KCTD3: variants seen among roughly 807,000 people sequenced by gnomAD.
KCTD3 encodes potassium channel tetramerization domain containing 3.
In KCTD3, 41 loss-of-function variants were observed where a neutral mutation model predicts 85.8. That is an observed-to-expected ratio of 0.48 (90% CI 0.37 to 0.62). KCTD3 has a LOEUF of 0.62. KCTD3 is among the 20% of genes least tolerant of loss of function. The pLI, the probability that KCTD3 is intolerant of heterozygous loss-of-function variation, is 0.00. For missense variants in KCTD3, 724 were observed against 989.9 expected, an observed-to-expected ratio of 0.73 and a Z score of 3.60; for synonymous variants, 338 against 345.4, an observed-to-expected ratio of 0.98 and a Z score of 0.24.
Position 215,573,842 on chromosome 1 carries a change from A to G in KCTD3, c.137+3A>G. 3 of 1,511,074 alleles carry G rather than the reference A, an allele frequency of 2.0e-6. No individual in the cohort carries two copies. Among genetic ancestry groups the G allele is most frequent in the Non-Finnish European group, 1.8e-6 (2 of 1,094,022 alleles). The allele number at this position is 1,511,074 out of a possible 1,614,324, so 93.6% of individuals were successfully genotyped here. A position where few individuals can be genotyped will look rare whatever the true frequency, so the allele number is the denominator to read the frequency against. On this transcript the variant is annotated splice_donor_region_variant and intron_variant, in intron 2 of 17. Coordinates refer to ENST00000259154, the MANE Select transcript of KCTD3 (RefSeq NM_016121.5). ...ATTCCAGATTCTTTTTTTTCCAGGT[A>G]TGTCTTATAATTCTTTAGTGTATAT... is the stretch of plus-strand genomic sequence containing the variant.
At chr1:215,584,272 T>C (rs1454563199) in intron 8 of KCTD3, among the ~76,000 whole-genome samples, 1 of 152,178 alleles carries the variant, frequency 6.6e-6, no homozygotes, top group Non-Finnish European at 1.5e-5. Context: ...TTTGAAACAA[T>C]TTTCCTATTT....
At chr1:215,600,562 C>T (rs930672001) in intron 10 of KCTD3, among the ~76,000 whole-genome samples, 7 of 152,146 alleles carry the variant, frequency 4.6e-5, no homozygotes, top group Admixed American at 2.6e-4. Context: ...ATTTTTCTTT[C>T]TCACAAGTTA....
intron 12 of KCTD3, among the ~76,000 whole-genome samples, chr1:215,602,460 T>C (rs1654871461): frequency 6.6e-6 from 1 of 151,658 alleles, no homozygotes. Flanking sequence ...ATTATTATAA[T>C]GTTAGCTGAA....
At chr1:215,570,546 A>C (rs776579248) in intron 1 of KCTD3, among the ~76,000 whole-genome samples, 5 of 152,202 alleles carry the variant, frequency 3.3e-5, no homozygotes, top group Admixed American at 6.5e-5. Flanking sequence ...CCCAGGCTTT[A>C]TCTCTAACTA....
chr1:215,601,989 A>C (rs1352040351), intron 11 of KCTD3, 35 bp downstream of exon 11: 2 of 1,441,318 alleles, frequency 1.4e-6, no homozygotes, highest in Non-Finnish European at 9.7e-7. Context: ...CTCCTGCTTA[A>C]TGTAATTTTT....
intron 17 of KCTD3, 41 bp downstream of exon 17, chr1:215,619,332 T>C: frequency 6.5e-7 from 1 of 1,533,814 alleles, no homozygotes; most frequent in Non-Finnish European, 8.9e-7. Context: ...AATTTATTTC[T>C]TTTGGGGAAA....
rs113220069 is a variant in KCTD3, at chr1:215,601,834, A to G, written c.934-33A>G. Reference sequence around the variant, plus strand: ...CCAGAAAATAGAAATTATAATTACTATCTAACATCTGATAATACTCTCACT... The same window carrying G: ...CCAGAAAATAGAAATTATAATTACTGTCTAACATCTGATAATACTCTCACT... On this transcript the variant is annotated intron_variant, in intron 10 of 17. Transcript: ENST00000259154. 3.3e-5 allele frequency: 39 copies of G among 1,193,402 alleles called. 2 individuals are homozygous for G. Among genetic ancestry groups the G allele is most frequent in the Middle Eastern group, 2.0e-4 (1 of 4,940 alleles). The allele number at this position is 1,193,402 out of a possible 1,614,324, so 73.9% of individuals were successfully genotyped here. A position where few individuals can be genotyped will look rare whatever the true frequency, so the allele number is the denominator to read the frequency against.
chr1:215,568,081 C>G (rs1035187131), intron 1 of KCTD3, among the ~76,000 whole-genome samples: 5 of 152,174 alleles, frequency 3.3e-5, no homozygotes, highest in African/African-American at 1.2e-4. Flanking sequence ...CACAGCCTTC[C>G]TTACCTCATC....
chr1:215,594,126 C>G (rs1660322860), intron 9 of KCTD3, among the ~76,000 whole-genome samples: 1 of 152,118 alleles, frequency 6.6e-6, no homozygotes, highest in African/African-American at 2.4e-5. Context: ...TCCCAAAGTG[C>G]TGGGATTGCA....
chr1:215,592,703 A>G (rs947416327), intron 9 of KCTD3, among the ~76,000 whole-genome samples: 2 of 152,220 alleles, frequency 1.3e-5, no homozygotes, highest in Admixed American at 6.5e-5. Flanking sequence ...GTTGTTAACA[A>G]ATATTCTTCA....
intron 8 of KCTD3, among the ~76,000 whole-genome samples, chr1:215,582,856 C>T (rs1304513953): frequency 3.3e-5 from 5 of 152,156 alleles, no homozygotes. Flanking sequence ...GCCACTGTGC[C>T]TGGCCTTGTT....
chr1:215,580,940 T>C lies in KCTD3; in HGVS notation c.626+941T>C, dbSNP rs147203723. On this transcript the variant is annotated intron_variant, in intron 8 of 17. Coordinates refer to ENST00000259154, the MANE Select transcript of KCTD3 (RefSeq NM_016121.5). ...TCTCAGGTTTATATTTTCCTTGTAGTAATGATTAAGTGCAGACTTTTATGT... is the reference window on the plus strand; with the variant it reads ...TCTCAGGTTTATATTTTCCTTGTAGCAATGATTAAGTGCAGACTTTTATGT... 1.8e-4 allele frequency: 82 copies of C among 467,668 alleles called. No individual in the cohort carries two copies. In the Admixed American group the frequency reaches 1.9e-3, roughly 11 times the overall value. 29.0% of individuals were successfully genotyped at this position (467,668 alleles called of 1,614,324 possible).
chr1:215,574,007 A>G, intron 2 of KCTD3, 66 bp from the exon 3 acceptor site: 1 of 1,212,886 alleles, frequency 8.2e-7, no homozygotes, highest in Non-Finnish European at 1.2e-6. Flanking sequence ...ACATTTGGTA[A>G]AGAATTAGCA....
chr1:215,608,918 G>A (rs1655135568), intron 14 of KCTD3, among the ~76,000 whole-genome samples: 2 of 152,032 alleles, frequency 1.3e-5, no homozygotes, highest in South Asian at 4.1e-4. Flanking sequence ...TCTAGGCACT[G>A]GAAGTTTATA....
chr1:215,608,290 A>G, intron 14 of KCTD3, 118 bp downstream of exon 14: 2 of 631,758 alleles, frequency 3.2e-6, no homozygotes, highest in Non-Finnish European at 5.0e-6. Context: ...TTTAATTTTG[A>G]AATTCTAAAC....
At chr1:215,619,738 A>C (rs1018831103) in intron 17 of KCTD3, among the ~76,000 whole-genome samples, 3 of 152,174 alleles carry the variant, frequency 2.0e-5, no homozygotes, top group Non-Finnish European at 4.4e-5. Context: ...GATAAATTCC[A>C]AAGTCTGAAG....
At chr1:215,585,366 A>G (rs1395736606) in intron 8 of KCTD3, among the ~76,000 whole-genome samples, 1 of 152,180 alleles carries the variant, frequency 6.6e-6, no homozygotes, top group Non-Finnish European at 1.5e-5. Context: ...AGTTCTTCAA[A>G]TTAATATGCT....
intron 15 of KCTD3, among the ~76,000 whole-genome samples, chr1:215,615,983 A>G (rs1655428278): frequency 6.6e-6 from 1 of 152,166 alleles, no homozygotes; most frequent in Non-Finnish European, 1.5e-5. Flanking sequence ...ACCCCTCTGT[A>G]GTGAGGGCCT....
intron 14 of KCTD3, among the ~76,000 whole-genome samples, chr1:215,609,114 A>G (rs1006204169): frequency 2.6e-5 from 4 of 152,042 alleles, no homozygotes; most frequent in Admixed American, 2.6e-4. Context: ...GCCAGGATCT[A>G]TGTTAGAGGT....
Sources: allele counts gnomAD v4.1 joint callset (sites outside exome capture counted in the v4.1 genomes callset), GRCh38; gene constraint gnomAD v4.1.1; transcripts MANE v1.5; gene names NCBI Gene and HGNC (gene_info 2026-07-23, HGNC 2026-07-21).